The following EPB41L3 variants were observed in gnomAD, a reference collection of about 807,000 sequenced individuals.
The protein encoded by EPB41L3 is band 4.1-like protein 3.
In EPB41L3, 57 loss-of-function variants were observed where a neutral mutation model predicts 127.1. The observed-to-expected ratio is 0.45, with a 90% CI of 0.36 to 0.56. The LOEUF (loss-of-function observed/expected upper bound fraction) is 0.56. Ranked by LOEUF, EPB41L3 falls within the 20% of genes least tolerant of loss-of-function variation. The probability of loss-of-function intolerance (pLI) is 0.00; values close to 1 mark genes in which losing one functional copy is unlikely to be tolerated. For synonymous variants in EPB41L3, 572 were observed against 549.5 expected, an observed-to-expected ratio of 1.04 and a Z score of -0.57; for missense variants, 1,273 against 1,372.2, an observed-to-expected ratio of 0.93 and a Z score of 1.14.
intron 3 of EPB41L3, among the ~76,000 whole-genome samples, chr18:5,453,146 A>C (rs1772917398): frequency 6.6e-6 from 1 of 152,256 alleles, no homozygotes; most frequent in Non-Finnish European, 1.5e-5. Flanking sequence ...AAGTCTCAGC[A>C]CTGGACTACA....
At chr18:5,395,811 T>A (rs2143669610) in intron 19 of EPB41L3, 104 bp from the exon 20 acceptor site, 1 of 814,216 alleles carries the variant, frequency 1.2e-6, no homozygotes, top group Non-Finnish European at 2.1e-6. Context: ...TATCTCCTAT[T>A]ATGCAATCAT....
chr18:5,420,937 T>C (rs2077395992), intron 11 of EPB41L3, among the ~76,000 whole-genome samples: 1 of 152,218 alleles, frequency 6.6e-6, no homozygotes. Context: ...TAAGACATTT[T>C]ATATCTCTTT....
intron 3 of EPB41L3, among the ~76,000 whole-genome samples, chr18:5,552,373 A>G (rs1243051212): frequency 1.3e-5 from 2 of 152,268 alleles, no homozygotes; most frequent in African/African-American, 2.4e-5. Flanking sequence ...AAAAGAAAAA[A>G]ATATCATTTG....
At chr18:5,538,640 A>G (rs2093637644) in intron 1 of EPB41L3, among the ~76,000 whole-genome samples, 1 of 152,210 alleles carries the variant, frequency 6.6e-6, no homozygotes, top group Admixed American at 6.5e-5. Context: ...GATCAATATC[A>G]TCTCCCAGCA....
At chr18:5,496,188 T>A (rs1298833149) in intron 1 of EPB41L3, among the ~76,000 whole-genome samples, 1 of 152,262 alleles carries the variant, frequency 6.6e-6, no homozygotes, top group Non-Finnish European at 1.5e-5. Context: ...AGATCTTCTA[T>A]GCGTGAGCAG....
intron 8 of EPB41L3, among the ~76,000 whole-genome samples, chr18:5,433,108 G>C (rs2079221446): frequency 6.6e-6 from 1 of 151,464 alleles, no homozygotes; most frequent in Non-Finnish European, 1.5e-5. Flanking sequence ...CAAAGGTTAT[G>C]TGACGGCACA....
At chr18:5,561,212 C>T (rs931610306) in intron 3 of EPB41L3, among the ~76,000 whole-genome samples, 7 of 151,964 alleles carry the variant, frequency 4.6e-5, no homozygotes, top group East Asian at 1.9e-4. Flanking sequence ...CTCCTGACCT[C>T]GTGATCCGCC....
intron 1 of EPB41L3, among the ~76,000 whole-genome samples, chr18:5,515,769 A>C (rs1421070185): frequency 6.6e-6 from 1 of 152,234 alleles, no homozygotes. Context: ...TTTAAAACAA[A>C]ATGAAGTCTG....
At chr18:5,595,023 T>C (rs988938862) in intron 3 of EPB41L3, among the ~76,000 whole-genome samples, 5 of 152,200 alleles carry the variant, frequency 3.3e-5, no homozygotes, top group African/African-American at 1.2e-4. Flanking sequence ...ATAGAGAATA[T>C]GCAATGTATT....
rs758456549 is a variant in EPB41L3 at position 5,423,380 on chromosome 18, C to T, written c.1337G>A (p.Gly446Glu). 6.2e-7 allele frequency: 1 copy of T among 1,600,866 alleles called. No individual in the cohort carries two copies. The highest frequency in any genetic ancestry group is 8.5e-7 in the Non-Finnish European group (1 of 1,170,432). Residue 446 changes from glycine to glutamate, a missense_variant and splice_region_variant, in exon 11 of 23, where the codon GGA becomes GAA. Transcript: ENST00000341928. ...AAGGGCCAGTAAGCGATGCCTACCT[C>T]CATCCAAGCTGCGAGACATGGTATA... is the stretch of plus-strand genomic sequence containing the variant. ...KRYTMSRSLD[G>E]EVGTGQYATT...
chr18:5,602,772 G>C (rs1369380517), intron 3 of EPB41L3, among the ~76,000 whole-genome samples: 2 of 152,168 alleles, frequency 1.3e-5, no homozygotes, highest in Non-Finnish European at 2.9e-5. Context: ...TACCTAGGGT[G>C]ACAAGTCCAG....
chr18:5,408,467 G>T (rs1308091332), intron 14 of EPB41L3, among the ~76,000 whole-genome samples: 2 of 151,426 alleles, frequency 1.3e-5, no homozygotes, highest in African/African-American at 4.9e-5. Context: ...TAGAGACAGG[G>T]TTTCACCATG....
chr18:5,427,352 T>C (rs2078332602), intron 9 of EPB41L3, among the ~76,000 whole-genome samples: 4 of 152,212 alleles, frequency 2.6e-5, no homozygotes, highest in African/African-American at 9.7e-5. Flanking sequence ...GAGGTATTTA[T>C]TAACTATCTC....
intron 3 of EPB41L3, among the ~76,000 whole-genome samples, chr18:5,557,641 TCCC>T (rs559765782): frequency 3.7e-4 from 56 of 152,294 alleles, no homozygotes; most frequent in South Asian, 3.5e-3. Flanking sequence ...CCTGTCGGCC[TCCC>T]AAAGTGCTGG....
At chr18:5,515,563 CT>C (rs1218472607) in intron 1 of EPB41L3, among the ~76,000 whole-genome samples, 11 of 90,686 alleles carry the variant, frequency 1.2e-4, no homozygotes, top group Non-Finnish European at 2.1e-4. Context: ...TTACATAATT[CT>C]TCTTCCCAGG....
chr18:5,566,491 G>A (rs570734440), intron 3 of EPB41L3, among the ~76,000 whole-genome samples: 2 of 152,200 alleles, frequency 1.3e-5, no homozygotes, highest in Non-Finnish European at 2.9e-5. Flanking sequence ...AACATTCCAT[G>A]GTCATGAGTA....
intron 1 of EPB41L3, among the ~76,000 whole-genome samples, chr18:5,505,672 C>T (rs1360180789): frequency 6.8e-6 from 1 of 147,160 alleles, no homozygotes; most frequent in Middle Eastern, 3.4e-3. Context: ...CACCTCCACC[C>T]CTACTCTCCA....
chr18:5,514,458 C>T (rs760335248), intron 1 of EPB41L3, among the ~76,000 whole-genome samples: 11 of 152,138 alleles, frequency 7.2e-5, no homozygotes, highest in Non-Finnish European at 1.2e-4. Context: ...ATACTTTCTT[C>T]CTCTATTTGT....
At chr18:5,445,644 C>T (rs1725085723) in intron 3 of EPB41L3, among the ~76,000 whole-genome samples, 3 of 152,090 alleles carry the variant, frequency 2.0e-5, no homozygotes, top group Admixed American at 2.0e-4. Flanking sequence ...TGCAGAGTGC[C>T]CTAACTCAAT....
Sources: allele counts gnomAD v4.1 joint callset (sites outside exome capture counted in the v4.1 genomes callset), GRCh38; gene constraint gnomAD v4.1.1; transcripts MANE v1.5; gene names NCBI Gene and HGNC (gene_info 2026-07-23, HGNC 2026-07-21).